Variants in CDH13 observed in about 807,000 individuals in gnomAD.
The protein encoded by CDH13 is cadherin 13, also known as cadherin-13.
CDH13 carries 24 observed loss-of-function variants against 63.8 expected under a neutral mutation model. The observed-to-expected ratio is 0.38, with a 90% CI of 0.27 to 0.53. The LOEUF (loss-of-function observed/expected upper bound fraction) is 0.53. Ranked by LOEUF, CDH13 falls within the 20% of genes least tolerant of loss-of-function variation. The pLI is 0.85. For synonymous variants in CDH13, 503 were observed against 355.3 expected (o/e 1.42, Z -4.67); for missense variants, 1,049 against 903.1 (o/e 1.16, Z -2.07).
chr16:83,497,504 A>C, intron 7 of CDH13, among the ~76,000 whole-genome samples: 1 of 108,030 alleles, frequency 9.3e-6, no homozygotes, highest in East Asian at 3.3e-4. Context: ...CACTCTGGGG[A>C]CTGTTGTGGG....
At chr16:83,463,299 T>G (rs1482852076) in intron 6 of CDH13, among the ~76,000 whole-genome samples, 1 of 152,154 alleles carries the variant, frequency 6.6e-6, no homozygotes, top group East Asian at 1.9e-4. Flanking sequence ...CATAGTAAAG[T>G]ACCCAAAATG....
At chr16:82,898,314 C>G (rs1053626848) in intron 2 of CDH13, among the ~76,000 whole-genome samples, 1 of 152,136 alleles carries the variant, frequency 6.6e-6, no homozygotes, top group South Asian at 2.1e-4. Context: ...CACCCGAGAT[C>G]AGGAGTCTGA....
intron 3 of CDH13, among the ~76,000 whole-genome samples, chr16:83,038,060 T>C (rs982124947): frequency 6.6e-6 from 1 of 152,122 alleles, no homozygotes; most frequent in Non-Finnish European, 1.5e-5. Context: ...AGGGAAGGCA[T>C]GCTCAGAGAG....
chr16:82,889,396 A>G (rs1268908679), intron 2 of CDH13, among the ~76,000 whole-genome samples: 2 of 152,144 alleles, frequency 1.3e-5, no homozygotes, highest in Non-Finnish European at 2.9e-5. Flanking sequence ...TTCTTGCTTC[A>G]CAAATGACTT....
chr16:83,435,420 A>G (rs2072264733), intron 6 of CDH13, among the ~76,000 whole-genome samples: 1 of 151,964 alleles, frequency 6.6e-6, no homozygotes, highest in Admixed American at 6.6e-5. Flanking sequence ...ATCCCCTTCA[A>G]AGCCTTCTGT....
At chr16:83,495,949 C>G (rs577228505) in intron 7 of CDH13, among the ~76,000 whole-genome samples, 15 of 151,838 alleles carry the variant, frequency 9.9e-5, no homozygotes, top group African/African-American at 2.9e-4. Context: ...ATCCAACTGA[C>G]AAGGGATGTG....
At chr16:83,105,106 C>T (rs2034700701) in intron 3 of CDH13, among the ~76,000 whole-genome samples, 1 of 152,126 alleles carries the variant, frequency 6.6e-6, no homozygotes, top group African/African-American at 2.4e-5. Context: ...CCCGTCAACC[C>T]ATCACCTAGA....
chr16:83,096,543 C>A (rs746901890), intron 3 of CDH13, among the ~76,000 whole-genome samples: 34 of 152,172 alleles, frequency 2.2e-4, no homozygotes, highest in Admixed American at 2.6e-4. Flanking sequence ...TATTTTATTG[C>A]CACCACGACT....
chr16:83,554,220 T>TA (rs912014634), intron 7 of CDH13, among the ~76,000 whole-genome samples: 34 of 149,174 alleles, frequency 2.3e-4, no homozygotes, highest in African/African-American at 5.4e-4. Flanking sequence ...AACACTTACT[T>TA]AAAAAAAAAA....
chr16:82,706,012 C>G (rs1340425866), intron 1 of CDH13, among the ~76,000 whole-genome samples: 3 of 152,090 alleles, frequency 2.0e-5, no homozygotes, highest in African/African-American at 7.2e-5. Flanking sequence ...CCTGTCCTCT[C>G]TCCCACCCTG....
intron 2 of CDH13, among the ~76,000 whole-genome samples, chr16:83,029,848 T>A (rs1916143227): frequency 6.6e-6 from 1 of 152,204 alleles, no homozygotes; most frequent in African/African-American, 2.4e-5. Context: ...TGCTTATATG[T>A]GTCTACATTA....
chr16:82,701,755 A>G (rs1261107525), intron 1 of CDH13, among the ~76,000 whole-genome samples: 2 of 152,254 alleles, frequency 1.3e-5, no homozygotes, highest in East Asian at 3.9e-4. Flanking sequence ...TACAAATCTT[A>G]GAAATAAATT....
At chr16:83,489,726 T>C (rs1172273433) in intron 7 of CDH13, among the ~76,000 whole-genome samples, 5 of 152,184 alleles carry the variant, frequency 3.3e-5, no homozygotes, top group Admixed American at 1.3e-4. Context: ...TTATTAATAT[T>C]ATTTCTGAAG....
At chr16:83,550,847 G>A (rs907585110) in intron 7 of CDH13, among the ~76,000 whole-genome samples, 1 of 152,110 alleles carries the variant, frequency 6.6e-6, no homozygotes, top group African/African-American at 2.4e-5. Context: ...TTCACTGACA[G>A]TAAGCCTAAC....
At chr16:83,135,187 C>G (rs2036227466) in intron 4 of CDH13, among the ~76,000 whole-genome samples, 1 of 152,164 alleles carries the variant, frequency 6.6e-6, no homozygotes, top group African/African-American at 2.4e-5. Context: ...AGTAGGCAAT[C>G]CTACACTCAT....
At chr16:83,226,418 C>T (rs2039840868) in intron 5 of CDH13, among the ~76,000 whole-genome samples, 1 of 152,166 alleles carries the variant, frequency 6.6e-6, no homozygotes, top group South Asian at 2.1e-4. Context: ...AGAAGAGGTT[C>T]AACTTGAATC....
intron 7 of CDH13, among the ~76,000 whole-genome samples, chr16:83,529,970 A>G (rs1171783085): frequency 6.6e-6 from 1 of 152,138 alleles, no homozygotes; most frequent in Non-Finnish European, 1.5e-5. Context: ...GAACTTGTGA[A>G]ATGGGGTCGG....
intron 4 of CDH13, among the ~76,000 whole-genome samples, chr16:83,164,740 C>CAAAAA (rs2037590252): frequency 7.5e-6 from 1 of 133,240 alleles, no homozygotes; most frequent in African/African-American, 3.2e-5. Flanking sequence ...AAAAAAAAAT[C>CAAAAA]ATCGTTTTAC....
chr16:83,588,558 A>G (rs535415671), intron 7 of CDH13, among the ~76,000 whole-genome samples: 4 of 152,304 alleles, frequency 2.6e-5, no homozygotes, highest in Non-Finnish European at 5.9e-5. Flanking sequence ...GGGCTATGGC[A>G]GGAATAAGTT....
Sources: gnomAD v4.1 joint callset for allele counts (sites outside exome capture counted in the v4.1 genomes callset) on GRCh38, gnomAD v4.1.1 for gene constraint, MANE v1.5 for transcripts, NCBI Gene and HGNC (gene_info 2026-07-23, HGNC 2026-07-21) for gene names.